Variants in DOCK3 observed in about 807,000 individuals in gnomAD.
DOCK3 encodes the protein dedicator of cytokinesis 3.
DOCK3 carries 60 observed loss-of-function variants against 265.6 expected under a neutral mutation model. That is an observed-to-expected ratio of 0.23 (90% CI 0.18 to 0.28). The LOEUF (loss-of-function observed/expected upper bound fraction) is 0.28, where lower values mean the gene tolerates loss of function less well. DOCK3 is among the 10% of genes least tolerant of loss of function. The probability of loss-of-function intolerance (pLI) is 1.00; values close to 1 mark genes in which losing one functional copy is unlikely to be tolerated. For synonymous variants in DOCK3, 881 were observed against 938.0 expected, an observed-to-expected ratio of 0.94 and a Z score of 1.11; for missense variants, 1,981 against 2,594.3, an observed-to-expected ratio of 0.76 and a Z score of 5.14.
At chr3:51,026,438 T>G (rs918119595) in intron 5 of DOCK3, among the ~76,000 whole-genome samples, 1 of 151,900 alleles carries the variant, frequency 6.6e-6, no homozygotes, top group Non-Finnish European at 1.5e-5. Context: ...CTGTAGTTTT[T>G]TTTTTTTTTT....
At chr3:50,739,243 G>C (rs1465729987) in intron 1 of DOCK3, among the ~76,000 whole-genome samples, 1 of 152,070 alleles carries the variant, frequency 6.6e-6, no homozygotes, top group African/African-American at 2.4e-5. Flanking sequence ...TACATACCCA[G>C]GCATTGCATT....
At chr3:50,737,104 C>T (rs1410381401) in intron 1 of DOCK3, among the ~76,000 whole-genome samples, 1 of 151,992 alleles carries the variant, frequency 6.6e-6, no homozygotes, top group Non-Finnish European at 1.5e-5. Flanking sequence ...GGATATTAGC[C>T]ATTTGTCAGA....
At chr3:51,130,883 A>G (rs2084498703) in intron 9 of DOCK3, among the ~76,000 whole-genome samples, 1 of 151,870 alleles carries the variant, frequency 6.6e-6, no homozygotes, top group Non-Finnish European at 1.5e-5. Flanking sequence ...AATATTTTGT[A>G]CTTTAGTAGA....
intron 9 of DOCK3, among the ~76,000 whole-genome samples, chr3:51,101,371 C>T (rs1321080482): frequency 2.0e-5 from 3 of 152,136 alleles, no homozygotes; most frequent in Non-Finnish European, 4.4e-5. Context: ...CCACCTGCCT[C>T]GGCCTCCCAA....
intron 2 of DOCK3, among the ~76,000 whole-genome samples, chr3:50,780,894 A>C (rs1265054254): frequency 6.6e-6 from 1 of 152,050 alleles, no homozygotes; most frequent in East Asian, 1.9e-4. Context: ...TGTATGAATA[A>C]GAATATGAGG....
intron 12 of DOCK3, among the ~76,000 whole-genome samples, chr3:51,205,714 A>G (rs1301214511): frequency 6.6e-6 from 1 of 152,130 alleles, no homozygotes; most frequent in Admixed American, 6.6e-5. Flanking sequence ...CAGTTAATAG[A>G]TAGATAGAAA....
intron 38 of DOCK3, among the ~76,000 whole-genome samples, chr3:51,341,772 A>G (rs184286951): frequency 1.0e-3 from 157 of 152,280 alleles, no homozygotes; most frequent in Non-Finnish European, 1.0e-3. Context: ...AAATGAATGG[A>G]TTTTAACCAC....
chr3:50,767,387 A>T (rs1159235948), intron 1 of DOCK3, among the ~76,000 whole-genome samples: 1 of 152,142 alleles, frequency 6.6e-6, no homozygotes, highest in Non-Finnish European at 1.5e-5. Flanking sequence ...TCCTTTCCCC[A>T]TTGCTTGTTT....
rs370911037 is a variant in DOCK3 at position 50,783,186 on chromosome 3, G to A, written c.121+4428G>A. 4.0e-4 allele frequency among the ~76,000 whole-genome samples: 61 copies of A among 152,236 alleles called. 1 individual carries two copies. In the South Asian group the frequency reaches 0.011, roughly 28 times the overall value. On this transcript the variant is annotated intron_variant, in intron 2 of 52. Transcript: ENST00000266037. Reference sequence around the variant, plus strand: ...ATGATGACTTCTTTTCCTCTGGGTAGATATCCAGTAGTGGGATTGCTGGAT... The same window carrying A: ...ATGATGACTTCTTTTCCTCTGGGTAAATATCCAGTAGTGGGATTGCTGGAT...
rs1021775732 is a variant in DOCK3, at chr3:51,227,381, A to C, written c.1476A>C (p.Lys492Asn). 2 of 1,613,798 alleles carry C rather than the reference A, an allele frequency of 1.2e-6. No individual in the cohort carries two copies. Among genetic ancestry groups the C allele is most frequent in the African/African-American group, 2.7e-5 (2 of 74,908 alleles). ...GTCCTCGCTGGGGAGAAATTATCAAATTGCCTATCCCCATTGACCGGTTCC... is the reference window on the plus strand; with the variant it reads ...GTCCTCGCTGGGGAGAAATTATCAACTTGCCTATCCCCATTGACCGGTTCC... ...SNSPRWGEII[K>N]LPIPIDRFRG... The change falls in exon 16 of 53, where the codon AAA becomes AAC. Residue 492 changes from lysine (K) to asparagine (N), a missense_variant. Transcript: ENST00000266037.
At chr3:50,895,969 T>G (rs9878542) in intron 4 of DOCK3, among the ~76,000 whole-genome samples, 417 of 152,316 alleles carry the variant, frequency 2.7e-3, no homozygotes, top group African/African-American at 9.6e-3. Context: ...TGAACAGTGC[T>G]GCAATAAACA....
chr3:51,032,938 A>G (rs1299523877), intron 5 of DOCK3, among the ~76,000 whole-genome samples: 1 of 152,106 alleles, frequency 6.6e-6, no homozygotes, highest in African/African-American at 2.4e-5. Flanking sequence ...TATAAACTTT[A>G]CTTCTCAAAA....
At chr3:50,713,675 G>A (rs1250306801) in intron 1 of DOCK3, among the ~76,000 whole-genome samples, 1 of 151,112 alleles carries the variant, frequency 6.6e-6, no homozygotes, top group Non-Finnish European at 1.5e-5. Flanking sequence ...GTTTGTTTTA[G>A]ATTCTGAGCT....
intron 4 of DOCK3, among the ~76,000 whole-genome samples, chr3:50,916,525 G>A (rs1334485095): frequency 2.0e-5 from 3 of 152,084 alleles, no homozygotes; most frequent in South Asian, 2.1e-4. Flanking sequence ...TTGTTAAAAT[G>A]TAGTTGTCTT....
chr3:51,249,833 G>T (rs1250046499), intron 22 of DOCK3, among the ~76,000 whole-genome samples: 5 of 147,438 alleles, frequency 3.4e-5, no homozygotes, highest in African/African-American at 1.3e-4. Flanking sequence ...GGAATAGAAA[G>T]GGGGGAAAGG....
intron 5 of DOCK3, among the ~76,000 whole-genome samples, chr3:50,940,391 A>C (rs2076257573): frequency 6.6e-6 from 1 of 152,122 alleles, no homozygotes; most frequent in Non-Finnish European, 1.5e-5. Flanking sequence ...GCAAAATGCT[A>C]ATTAAAAAAG....
chr3:51,308,704 A>G (rs1421546266), intron 27 of DOCK3, among the ~76,000 whole-genome samples: 1 of 152,172 alleles, frequency 6.6e-6, no homozygotes, highest in African/African-American at 2.4e-5. Context: ...CGCCATTGTC[A>G]TCATGGCCCG....
intron 12 of DOCK3, among the ~76,000 whole-genome samples, chr3:51,182,994 A>G (rs1576341623): frequency 6.6e-6 from 1 of 152,196 alleles, no homozygotes; most frequent in African/African-American, 2.4e-5. Flanking sequence ...CTCACAGACA[A>G]ATGTATGCAT....
At chr3:50,882,132 C>T (rs1224098974) in intron 3 of DOCK3, among the ~76,000 whole-genome samples, 1 of 152,156 alleles carries the variant, frequency 6.6e-6, no homozygotes, top group African/African-American at 2.4e-5. Context: ...GGATTGAAGA[C>T]TTAAACCTTA....
Sources: gnomAD v4.1 joint callset for allele counts (sites outside exome capture counted in the v4.1 genomes callset) on GRCh38, gnomAD v4.1.1 for gene constraint, MANE v1.5 for transcripts, NCBI Gene and HGNC (gene_info 2026-07-23, HGNC 2026-07-21) for gene names.